The following UBR3 variants were observed in gnomAD, a reference collection of about 807,000 sequenced individuals.
UBR3 encodes E3 ubiquitin-protein ligase UBR3.
A neutral mutation model predicts 243.2 loss-of-function variants in UBR3; 85 were observed. The observed-to-expected ratio is 0.35, with a 90% CI of 0.29 to 0.42. The LOEUF (loss-of-function observed/expected upper bound fraction) is 0.42, where lower values mean the gene tolerates loss of function less well. Ranked by LOEUF, UBR3 falls within the 10% of genes least tolerant of loss-of-function variation. The pLI is 1.00. For missense variants in UBR3, 1,686 were observed against 2,300.8 expected (o/e 0.73, Z 5.47); for synonymous variants, 748 against 799.8 (o/e 0.94, Z 1.09).
intron 5 of UBR3, among the ~76,000 whole-genome samples, chr2:169,890,175 C>T (rs73011769): frequency 0.043 from 6,614 of 152,074 alleles, 165 homozygotes; most frequent in Middle Eastern, 0.068. Context: ...TTTTCAGCAC[C>T]ATACTAAGAA....
In UBR3 at chr2:170,083,219, C is replaced by T. The variant is rs2091933829; in HGVS notation, c.*1376C>T. ...ATGTTCTAAAAAATTTTTGTAATGACATGACATTACAAGAGTATAAAAATG... is the reference window on the plus strand; with the variant it reads ...ATGTTCTAAAAAATTTTTGTAATGATATGACATTACAAGAGTATAAAAATG... On this transcript the variant is annotated 3_prime_UTR_variant, in exon 39 of 39. Transcript: ENST00000272793. 6.6e-6 allele frequency: 1 copy of T among 152,290 alleles called. No homozygotes were observed. 9.4% of individuals were successfully genotyped at this position (152,290 alleles called of 1,614,324 possible).
intron 8 of UBR3, among the ~76,000 whole-genome samples, chr2:169,902,029 C>T (rs538846106): frequency 2.0e-5 from 3 of 152,208 alleles, no homozygotes; most frequent in Non-Finnish European, 2.9e-5. Flanking sequence ...CTCCATTAAT[C>T]TGGCTGCTTT....
intron 1 of UBR3, among the ~76,000 whole-genome samples, chr2:169,839,297 C>T (rs1410787445): frequency 1.3e-5 from 2 of 152,106 alleles, no homozygotes; most frequent in Non-Finnish European, 2.9e-5. Flanking sequence ...TGTTCTCACT[C>T]ATGTGTGGGA....
At chr2:170,033,872 A>T (rs1000982461) in intron 31 of UBR3, among the ~76,000 whole-genome samples, 1 of 151,802 alleles carries the variant, frequency 6.6e-6, no homozygotes, top group Non-Finnish European at 1.5e-5. Flanking sequence ...GAAAAACTAT[A>T]TTCCTATTAA....
intron 24 of UBR3, among the ~76,000 whole-genome samples, chr2:169,973,841 A>T (rs897656153): frequency 6.6e-6 from 1 of 152,182 alleles, no homozygotes; most frequent in Non-Finnish European, 1.5e-5. Context: ...GACTTGTCAT[A>T]TACAGTCATC....
At chr2:169,900,058 T>C (rs2084757406) in intron 8 of UBR3, among the ~76,000 whole-genome samples, 1 of 152,190 alleles carries the variant, frequency 6.6e-6, no homozygotes, top group African/African-American at 2.4e-5. Flanking sequence ...TCTAGATCCT[T>C]GAGGAATCGC....
chr2:169,866,932 C>T (rs13427007), intron 1 of UBR3, among the ~76,000 whole-genome samples: 1 of 152,242 alleles, frequency 6.6e-6, no homozygotes, highest in South Asian at 2.1e-4. Flanking sequence ...AACATGCTAA[C>T]TTTTATTTTG....
At chr2:169,873,034 G>A (rs1574091203) in intron 2 of UBR3, among the ~76,000 whole-genome samples, 1 of 146,456 alleles carries the variant, frequency 6.8e-6, no homozygotes, top group South Asian at 2.1e-4. Context: ...ATATTCATTA[G>A]TAGTATGAAT....
At chr2:169,925,885 C>G in intron 14 of UBR3, 138 bp downstream of exon 14, 1 of 877,504 alleles carries the variant, frequency 1.1e-6, no homozygotes, top group Middle Eastern at 3.7e-4. Flanking sequence ...TTACATTTCC[C>G]AGGAGAAGAG....
At chr2:169,958,318 A>G (rs2087406027) in intron 23 of UBR3, 120 bp from the exon 24 acceptor site, 2 of 736,796 alleles carry the variant, frequency 2.7e-6, no homozygotes, top group African/African-American at 1.8e-5. Context: ...TACATAATAC[A>G]GAAAATAGAT....
chr2:170,030,457 T>A (rs1019416554), intron 31 of UBR3, among the ~76,000 whole-genome samples: 1 of 152,152 alleles, frequency 6.6e-6, no homozygotes, highest in Non-Finnish European at 1.5e-5. Flanking sequence ...GTGTTCTTAC[T>A]GGTATTTCTG....
intron 36 of UBR3, among the ~76,000 whole-genome samples, chr2:170,075,973 G>C (rs908456579): frequency 1.3e-5 from 2 of 150,872 alleles, no homozygotes; most frequent in African/African-American, 4.9e-5. Flanking sequence ...GAATTGAAGA[G>C]CTTAACTGTC....
chr2:169,969,279 T>G (rs552878456), intron 24 of UBR3, among the ~76,000 whole-genome samples: 2 of 152,210 alleles, frequency 1.3e-5, no homozygotes, highest in East Asian at 3.9e-4. Flanking sequence ...ACCAACGCTT[T>G]AAGCATTTCC....
intron 11 of UBR3, among the ~76,000 whole-genome samples, chr2:169,919,629 C>G (rs935560661): frequency 2.6e-5 from 4 of 152,066 alleles, no homozygotes; most frequent in Non-Finnish European, 5.9e-5. Flanking sequence ...AGCAAACAAC[C>G]CCATCAAAAA....
At chr2:170,046,725 T>C (rs1383018256) in intron 32 of UBR3, among the ~76,000 whole-genome samples, 1 of 152,214 alleles carries the variant, frequency 6.6e-6, no homozygotes, top group Non-Finnish European at 1.5e-5. Context: ...TTTTCCTATT[T>C]TTCCTATTTG....
At chr2:170,056,112 A>G (rs1156332300) in intron 33 of UBR3, among the ~76,000 whole-genome samples, 2 of 146,778 alleles carry the variant, frequency 1.4e-5, no homozygotes, top group South Asian at 2.1e-4. Flanking sequence ...GGTTCAAGCA[A>G]TTCTCCTGCC....
intron 1 of UBR3, among the ~76,000 whole-genome samples, chr2:169,839,638 CTATG>C (rs2082227350): frequency 6.6e-6 from 1 of 152,022 alleles, no homozygotes; most frequent in Non-Finnish European, 1.5e-5. Context: ...TACTCAGAAA[CTATG>C]TACATCTATT....
chr2:169,905,970 T>A, intron 9 of UBR3, 61 bp from the exon 10 acceptor site: 1 of 1,521,042 alleles, frequency 6.6e-7, no homozygotes, highest in Non-Finnish European at 8.8e-7. Flanking sequence ...ATGTACTTGA[T>A]ATTTAACATG....
At chr2:169,919,587 T>C (rs946862859) in intron 11 of UBR3, among the ~76,000 whole-genome samples, 11 of 152,208 alleles carry the variant, frequency 7.2e-5, no homozygotes, top group African/African-American at 2.7e-4. Flanking sequence ...ATCCAGAATC[T>C]ACAATGAACT....
Sources: gnomAD v4.1 joint callset for allele counts (sites outside exome capture counted in the v4.1 genomes callset) on GRCh38, gnomAD v4.1.1 for gene constraint, MANE v1.5 for transcripts, NCBI Gene and HGNC (gene_info 2026-07-23, HGNC 2026-07-21) for gene names.